Variants in PARD3B observed in about 807,000 individuals in gnomAD.
PARD3B encodes the protein par-3 family cell polarity regulator beta, also known as partitioning defective 3 homolog B.
Under a neutral mutation model 130.2 loss-of-function variants are expected in PARD3B, and 103 were observed. That is an observed-to-expected ratio of 0.79 (90% CI 0.67 to 0.93). The LOEUF is 0.93. PARD3B is among the 40% of genes least tolerant of loss of function. PARD3B has a pLI of 0.00. For synonymous variants in PARD3B, 583 were observed against 553.2 expected, an observed-to-expected ratio of 1.05 and a Z score of -0.76; for missense variants, 1,609 against 1,499.2, an observed-to-expected ratio of 1.07 and a Z score of -1.21.
chr2:205,167,276 A>T (rs571018871), intron 11 of PARD3B, among the ~76,000 whole-genome samples: 1 of 152,310 alleles, frequency 6.6e-6, no homozygotes, highest in South Asian at 2.1e-4. Flanking sequence ...TTTAGAGGAC[A>T]CATGGAGTAG....
intron 2 of PARD3B, among the ~76,000 whole-genome samples, chr2:204,703,721 A>G (rs2038002040): frequency 1.3e-5 from 2 of 152,188 alleles, no homozygotes; most frequent in African/African-American, 4.8e-5. Context: ...CAGTTACAAT[A>G]TCATTTACTA....
At chr2:204,838,578 G>A (rs2044145260) in intron 2 of PARD3B, among the ~76,000 whole-genome samples, 1 of 152,128 alleles carries the variant, frequency 6.6e-6, no homozygotes, top group Non-Finnish European at 1.5e-5. Flanking sequence ...AGGGTATGCT[G>A]TGCAGGGCCA....
At chr2:205,290,043 G>T (rs986594467) in intron 16 of PARD3B, among the ~76,000 whole-genome samples, 18 of 152,212 alleles carry the variant, frequency 1.2e-4, no homozygotes, top group Admixed American at 7.9e-4. Flanking sequence ...ATGTCAGATT[G>T]TGCTTGTAAT....
chr2:205,171,028 CT>C (rs1367385206), intron 11 of PARD3B, among the ~76,000 whole-genome samples: 1 of 152,148 alleles, frequency 6.6e-6, no homozygotes, highest in Admixed American at 6.5e-5. Context: ...CCTCAGTTTC[CT>C]TTTCTGTAAA....
intron 14 of PARD3B, among the ~76,000 whole-genome samples, chr2:205,191,418 C>T (rs1361097735): frequency 1.3e-5 from 2 of 152,192 alleles, no homozygotes; most frequent in African/African-American, 2.4e-5. Context: ...CATCAAACCA[C>T]ATCACCCTTC....
At chr2:205,233,616 CTATT>C (rs1306360143) in intron 15 of PARD3B, among the ~76,000 whole-genome samples, 4 of 152,238 alleles carry the variant, frequency 2.6e-5, no homozygotes, top group South Asian at 2.1e-4. Flanking sequence ...AGATCCCTCT[CTATT>C]TATGATGGGG....
intron 6 of PARD3B, among the ~76,000 whole-genome samples, chr2:205,113,933 C>G (rs986752051): frequency 6.6e-6 from 1 of 152,044 alleles, no homozygotes; most frequent in Non-Finnish European, 1.5e-5. Flanking sequence ...TATACTTCAA[C>G]AAGTGAGTAT....
At chr2:205,136,304 T>C (rs1397796426) in intron 10 of PARD3B, among the ~76,000 whole-genome samples, 1 of 152,238 alleles carries the variant, frequency 6.6e-6, no homozygotes, top group African/African-American at 2.4e-5. Flanking sequence ...ACACTCTATG[T>C]GTTTCTCAAT....
chr2:204,913,410 T>TG (rs1270810794), intron 2 of PARD3B, among the ~76,000 whole-genome samples: 3 of 152,154 alleles, frequency 2.0e-5, no homozygotes, highest in Non-Finnish European at 4.4e-5. Context: ...GAGACGATTG[T>TG]GAGATAATGC....
intron 15 of PARD3B, among the ~76,000 whole-genome samples, chr2:205,240,015 C>T (rs533270607): frequency 2.0e-5 from 3 of 152,180 alleles, no homozygotes; most frequent in Middle Eastern, 6.8e-3. Context: ...TGAAAACTCA[C>T]ATTGCTGAAA....
At chr2:204,960,670 G>C (rs142536261) in intron 2 of PARD3B, among the ~76,000 whole-genome samples, 1 of 151,920 alleles carries the variant, frequency 6.6e-6, no homozygotes, top group Non-Finnish European at 1.5e-5. Flanking sequence ...ATTTTTTTCA[G>C]CAAATTTACA....
rs1274359242 is a variant in PARD3B at position 204,689,125 on chromosome 2, T to G, written c.222+2843T>G. ...GTAGAAACTAGAGGTTAAATGATAT[T>G]GTACTTCAAATTAGAGAAGGCTCTA... On this transcript the variant is annotated intron_variant, in intron 2 of 22. Coordinates refer to ENST00000406610, the MANE Select transcript of PARD3B (RefSeq NM_001302769.2). The surrounding 1 kb of genome is among the most constrained non-coding windows in gnomAD (Gnocchi z 5.2). Among the ~76,000 whole-genome samples the G allele has an allele frequency of 6.6e-6, 1 of 152,182 alleles. No individual in the cohort carries two copies. Among genetic ancestry groups the G allele is most frequent in the Non-Finnish European group, 1.5e-5 (1 of 68,032 alleles).
At chr2:204,573,698 G>T (rs1276751903) in intron 1 of PARD3B, among the ~76,000 whole-genome samples, 1 of 152,158 alleles carries the variant, frequency 6.6e-6, no homozygotes. Context: ...ATGCCCTTGG[G>T]TACTAAGGCA....
Position 205,176,483 on chromosome 2 carries a change from T to C in PARD3B, c.1830T>C (p.Phe610=). 6.2e-7 allele frequency: 1 copy of C among 1,612,290 alleles called. No homozygotes were observed. Among genetic ancestry groups the C allele is most frequent in the Middle Eastern group, 1.7e-4 (1 of 6,058 alleles). ...AECGAFSKPC[F]ENCQNAVTTS... ...GTGGGGCATTTTCCAAGCCATGCTT[T>C]GAGAACTGTCAAAATGCTGTAACCA... The change falls in exon 13 of 23, where the codon TTT becomes TTC. Residue 610 remains phenylalanine, a synonymous_variant. Coordinates refer to ENST00000406610, the MANE Select transcript of PARD3B (RefSeq NM_001302769.2). This position sits in a 1 kb window ranked among gnomAD's most constrained non-coding sequence, Gnocchi z 5.3.
chr2:205,509,657 T>C (rs1354238774), intron 21 of PARD3B, among the ~76,000 whole-genome samples: 1 of 152,200 alleles, frequency 6.6e-6, no homozygotes, highest in Admixed American at 6.5e-5. Context: ...TAATGGAATG[T>C]ACTCCCAAAC....
chr2:205,483,079 T>G lies in PARD3B; in HGVS notation c.3045-16817T>G, dbSNP rs1047292764. On this transcript the variant is annotated intron_variant, in intron 20 of 22. Coordinates refer to ENST00000406610, the MANE Select transcript of PARD3B (RefSeq NM_001302769.2). Reference sequence around the variant, plus strand: ...GGTTCATTGTGTGTCCATGGGCACATGCCTTCAAATTCAAGTGCATGCCTC... The same window carrying G: ...GGTTCATTGTGTGTCCATGGGCACAGGCCTTCAAATTCAAGTGCATGCCTC... Among the ~76,000 whole-genome samples the G allele has an allele frequency of 2.0e-5, 3 of 152,114 alleles. No individual in the cohort carries two copies. The South Asian group carries it at 6.2e-4, about 31-fold the overall frequency.
intron 2 of PARD3B, among the ~76,000 whole-genome samples, chr2:204,788,353 C>G (rs73982520): frequency 0.016 from 2,431 of 152,264 alleles, 47 homozygotes; most frequent in African/African-American, 0.054. Context: ...TGTCTAGTTC[C>G]TTTGCAAAAG....
At chr2:205,608,263 C>G (rs1166897220) in intron 22 of PARD3B, among the ~76,000 whole-genome samples, 1 of 151,622 alleles carries the variant, frequency 6.6e-6, no homozygotes, top group Non-Finnish European at 1.5e-5. Context: ...TGTTAGCCCC[C>G]AAAGTCTGAC....
chr2:205,510,758 A>G (rs2050558911), intron 21 of PARD3B, among the ~76,000 whole-genome samples: 1 of 152,204 alleles, frequency 6.6e-6, no homozygotes, highest in South Asian at 2.1e-4. Context: ...GGTGAGATAC[A>G]AAGAGAATAT....
Sources: gnomAD v4.1 joint callset for allele counts (sites outside exome capture counted in the v4.1 genomes callset) on GRCh38, gnomAD v4.1.1 for gene constraint, Gnocchi (gnomAD v3.1) non-coding constraint, MANE v1.5 for transcripts, NCBI Gene and HGNC (gene_info 2026-07-23, HGNC 2026-07-21) for gene names.